The following PACRG variants were observed in gnomAD, a reference collection of about 807,000 sequenced individuals.
PACRG encodes the protein parkin coregulated gene protein.
A neutral mutation model predicts 29.7 loss-of-function variants in PACRG; 29 were observed. The ratio of observed to expected loss-of-function variants is 0.98; its 90% CI spans 0.73 to 1.33. The LOEUF (loss-of-function observed/expected upper bound fraction) is 1.33, where lower values mean the gene tolerates loss of function less well. Among genes scored for constraint, PACRG ranks in the 40% most tolerant of loss-of-function variants. The pLI, the probability that PACRG is intolerant of heterozygous loss-of-function variation, is 0.00. For synonymous variants in PACRG, 116 were observed against 118.7 expected, an observed-to-expected ratio of 0.98 and a Z score of 0.15; for missense variants, 279 against 316.2, an observed-to-expected ratio of 0.88 and a Z score of 0.89.
intron 1 of PACRG, among the ~76,000 whole-genome samples, chr6:162,805,993 C>T (rs1305246639): frequency 2.0e-5 from 3 of 152,130 alleles, no homozygotes; most frequent in Non-Finnish European, 4.4e-5. Flanking sequence ...TTCTTAATGG[C>T]ATTTAGAATG....
At chr6:162,755,279 ATTTG>A (rs953866809) in intron 1 of PACRG, among the ~76,000 whole-genome samples, 1 of 151,574 alleles carries the variant, frequency 6.6e-6, no homozygotes, top group African/African-American at 2.4e-5. Flanking sequence ...TTAGTTTCTA[ATTTG>A]TTTATTATTT....
intron 4 of PACRG, among the ~76,000 whole-genome samples, chr6:163,125,801 C>A (rs1816490703): frequency 6.6e-6 from 1 of 152,198 alleles, no homozygotes; most frequent in Non-Finnish European, 1.5e-5. Context: ...AACCCCTAAA[C>A]TCTACTCCTA....
At chr6:162,802,589 CT>C (rs770034091) in intron 1 of PACRG, among the ~76,000 whole-genome samples, 9 of 152,084 alleles carry the variant, frequency 5.9e-5, no homozygotes, top group Non-Finnish European at 1.0e-4. Flanking sequence ...GCAATCACAC[CT>C]TGCTAACATC....
At chr6:163,269,906 G>GAA (rs1208314620) in intron 4 of PACRG, among the ~76,000 whole-genome samples, 1 of 63,610 alleles carries the variant, frequency 1.6e-5, no homozygotes, top group Non-Finnish European at 3.0e-5. Context: ...AAGAAAGAAA[G>GAA]AAAGAAAGAA....
chr6:163,101,690 A>G (rs764718239), intron 4 of PACRG, among the ~76,000 whole-genome samples: 7 of 152,258 alleles, frequency 4.6e-5, no homozygotes, highest in African/African-American at 7.2e-5. Flanking sequence ...CTTAAAAAAC[A>G]ACCCACACAT....
chr6:162,822,223 T>A (rs959300295), intron 2 of PACRG, among the ~76,000 whole-genome samples: 3 of 152,182 alleles, frequency 2.0e-5, no homozygotes, highest in Non-Finnish European at 4.4e-5. Context: ...TTTTCAGCGG[T>A]CATTACTAAG....
rs978515680 is a variant in PACRG, at chr6:162,766,997, A to G, written c.156+38606A>G. Among the ~76,000 whole-genome samples, 3 of 152,080 alleles carry G rather than the reference A, an allele frequency of 2.0e-5. No individual in the cohort carries two copies. In the East Asian group the frequency reaches 5.8e-4, roughly 29 times the overall value. On this transcript the variant is annotated intron_variant, in intron 1 of 4. Coordinates refer to ENST00000366888, the MANE Select transcript of PACRG (RefSeq NM_001080379.2). ...GTGTGTTATTTTGAAGCATTTAATA[A>G]TTTTTAAATATATACAGTTTTTAAA...
rs1448338298 is a variant in PACRG, at chr6:163,314,883, T to A, written c.670T>A (p.Leu224Met). The change falls in exon 5 of 5, where the codon TTG (leucine) becomes ATG (methionine). Residue 224 changes from leucine to methionine, a missense_variant. Coordinates refer to ENST00000366888, the MANE Select transcript of PACRG (RefSeq NM_001080379.2). Reference protein sequence around the residue: ...SQQKRENIGDLIQETLEAFER... With the variant: ...SQQKRENIGDMIQETLEAFER... ...GCAGAAGAGGGAGAACATTGGGGAC[T>A]TGATCCAGGAGACACTGGAGGCCTT... 6.2e-7 allele frequency: 1 copy of A among 1,614,086 alleles called. No individual in the cohort carries two copies. The highest frequency in any genetic ancestry group is 8.5e-7 in the Non-Finnish European group (1 of 1,180,046).
chr6:162,866,033 G>A (rs1426639901), intron 2 of PACRG, among the ~76,000 whole-genome samples: 1 of 152,088 alleles, frequency 6.6e-6, no homozygotes, highest in East Asian at 1.9e-4. Context: ...ATTTGCTGGG[G>A]TGAAAAAATA....
chr6:162,881,581 A>T (rs1004264786), intron 2 of PACRG, among the ~76,000 whole-genome samples: 1 of 151,994 alleles, frequency 6.6e-6, no homozygotes, highest in Non-Finnish European at 1.5e-5. Flanking sequence ...CAAACTGGAG[A>T]CCCGGGGGCA....
intron 2 of PACRG, among the ~76,000 whole-genome samples, chr6:162,843,530 GC>G (rs1326554112): frequency 1.7e-5 from 1 of 59,996 alleles, no homozygotes; most frequent in African/African-American, 6.8e-5. Context: ...CAACTTCTTT[GC>G]CTTTGGTTTG....
chr6:162,809,431 A>T (rs1300055312), intron 1 of PACRG, among the ~76,000 whole-genome samples: 1 of 152,234 alleles, frequency 6.6e-6, no homozygotes, highest in Non-Finnish European at 1.5e-5. Context: ...TCTCTTCTAA[A>T]TAAAGGCTTT....
intron 2 of PACRG, among the ~76,000 whole-genome samples, chr6:163,004,627 A>G (rs748963232): frequency 2.0e-5 from 3 of 151,654 alleles, no homozygotes; most frequent in Non-Finnish European, 2.9e-5. Flanking sequence ...TATGGGGACT[A>G]TGAGCATTAC....
chr6:163,312,574 C>T (rs543658319), intron 4 of PACRG, among the ~76,000 whole-genome samples: 17 of 152,148 alleles, frequency 1.1e-4, no homozygotes, highest in South Asian at 2.1e-4. Flanking sequence ...CACCTTCTCA[C>T]GCCTCCGAAC....
intron 2 of PACRG, among the ~76,000 whole-genome samples, chr6:162,851,006 T>A (rs939637711): frequency 1.3e-5 from 2 of 152,218 alleles, no homozygotes; most frequent in Non-Finnish European, 2.9e-5. Flanking sequence ...TACTACAGAA[T>A]TGATTGTTGC....
At chr6:163,176,027 TCAA>T (rs1779341703) in intron 4 of PACRG, among the ~76,000 whole-genome samples, 1 of 152,172 alleles carries the variant, frequency 6.6e-6, no homozygotes, top group South Asian at 2.1e-4. Context: ...GGGCTTCTAG[TCAA>T]AGTAACCTTA....
chr6:163,040,254 G>A (rs780597542), intron 2 of PACRG, among the ~76,000 whole-genome samples: 1 of 152,260 alleles, frequency 6.6e-6, no homozygotes, highest in Non-Finnish European at 1.5e-5. Flanking sequence ...CAGGTGCACA[G>A]AAGACAAGAG....
At chr6:162,754,169 C>T (rs1375768127) in intron 1 of PACRG, among the ~76,000 whole-genome samples, 2 of 152,134 alleles carry the variant, frequency 1.3e-5, no homozygotes, top group African/African-American at 4.8e-5. Flanking sequence ...TTTTTTGATA[C>T]AAGCCATTCT....
intron 2 of PACRG, among the ~76,000 whole-genome samples, chr6:162,917,411 CT>C (rs5881499): frequency 0.017 from 2,518 of 152,206 alleles, 25 homozygotes; most frequent in South Asian, 0.026. Context: ...AGTGGTCCTG[CT>C]TCTGGGCTGG....
Sources: gnomAD v4.1 joint callset for allele counts (sites outside exome capture counted in the v4.1 genomes callset) on GRCh38, gnomAD v4.1.1 for gene constraint, MANE v1.5 for transcripts, NCBI Gene and HGNC (gene_info 2026-07-23, HGNC 2026-07-21) for gene names.